The following DTL variants were observed in gnomAD, a reference collection of about 807,000 sequenced individuals.
DTL encodes the protein denticleless protein homolog.
Under a neutral mutation model 87.0 loss-of-function variants are expected in DTL, and 46 were observed. The ratio of observed to expected loss-of-function variants is 0.53; its 90% CI spans 0.42 to 0.68. The LOEUF is 0.68. DTL is among the 30% of genes least tolerant of loss of function. DTL has a pLI of 0.00. For missense variants in DTL, 737 were observed against 869.4 expected (o/e 0.85, Z 1.91); for synonymous variants, 308 against 311.2 (o/e 0.99, Z 0.11).
rs1558093304 is a variant in DTL, at chr1:212,100,533, A to G, written c.1543A>G (p.Ile515Val). Residue 515 changes from isoleucine to valine, a missense_variant, in exon 14 of 15, where the codon ATC becomes GTC. Transcript: ENST00000366991. ...CCGAACACCTTCCTCATCACCACCC[A>G]TCACTCCACCTGCTTCGGAGACCAA... ...VTRTPSSSPP[I>V]TPPASETKIM... is the part of the protein sequence containing the mutation. 12 of 1,614,058 alleles carry G rather than the reference A, an allele frequency of 7.4e-6. No individual in the cohort carries two copies. Among genetic ancestry groups the G allele is most frequent in the Non-Finnish European group, 9.3e-6 (11 of 1,180,004 alleles).
At position 212,100,639 on chromosome 1, in the gene DTL, G is replaced by A. The variant is rs1413465321; in HGVS notation, c.1649G>A (p.Arg550Lys). 14 of 1,613,862 alleles carry A rather than the reference G, an allele frequency of 8.7e-6. No individual in the cohort carries two copies. The East Asian group carries it at 2.7e-4, about 31-fold the overall frequency. The stretch of plus-strand genomic sequence containing the variant: ...GAGGCTTGCTCTGAGTCTAGAAATA[G>A]AGTAAAGAGGAGGCTAGACTCAAGC... ...QAEACSESRN[R>K]VKRRLDSSCL... Residue 550 changes from arginine to lysine, a missense_variant, in exon 14 of 15, where the codon AGA becomes AAA. Physicochemically the swap from Arg to Lys is conservative, Grantham distance 26 (BLOSUM62 2). Transcript: ENST00000366991.
chr1:212,042,903 T>G, intron 1 of DTL, 90 bp from the exon 2 acceptor site: 1 of 1,281,376 alleles, frequency 7.8e-7, no homozygotes, highest in Admixed American at 2.5e-5. Flanking sequence ...ATCTAAAGTT[T>G]CTTAAGGACA....
intron 5 of DTL, among the ~76,000 whole-genome samples, chr1:212,048,443 G>A (rs148883210): frequency 3.9e-5 from 6 of 152,148 alleles, no homozygotes; most frequent in Non-Finnish European, 5.9e-5. Context: ...CACCTGCCTC[G>A]GCCTCCTAAA....
chr1:212,066,396 G>T (rs577297064), intron 7 of DTL, among the ~76,000 whole-genome samples: 1 of 152,090 alleles, frequency 6.6e-6, no homozygotes, highest in South Asian at 2.1e-4. Context: ...TCTTTTTCAG[G>T]GCATGAAATA....
intron 6 of DTL, 94 bp from the exon 7 acceptor site, chr1:212,064,823 G>C (rs1305391718): frequency 9.8e-7 from 1 of 1,021,294 alleles, no homozygotes; most frequent in African/African-American, 1.6e-5. Flanking sequence ...CACCAACTTG[G>C]TCAAAAATTA....
chr1:212,064,719 A>G (rs1400597368), intron 6 of DTL, among the ~76,000 whole-genome samples, 198 bp from the exon 7 acceptor site: 1 of 152,200 alleles, frequency 6.6e-6, no homozygotes, highest in Non-Finnish European at 1.5e-5. Context: ...AGTTTTGGCA[A>G]TTATTAAAGC....
chr1:212,071,529 C>T (rs142944365), intron 10 of DTL, among the ~76,000 whole-genome samples: 1 of 152,312 alleles, frequency 6.6e-6, no homozygotes, highest in South Asian at 2.1e-4. Context: ...TAAAATGATT[C>T]TCACATCCCA....
chr1:212,041,801 C>T (rs536776359), intron 1 of DTL, among the ~76,000 whole-genome samples: 8 of 152,304 alleles, frequency 5.3e-5, no homozygotes, highest in South Asian at 4.1e-4. Context: ...TGAGAGACCG[C>T]GCCCGGCCTA....
At chr1:212,054,047 C>A (rs1456556891) in intron 5 of DTL, among the ~76,000 whole-genome samples, 1 of 152,148 alleles carries the variant, frequency 6.6e-6, no homozygotes, top group Non-Finnish European at 1.5e-5. Context: ...TTTTAACAGG[C>A]AATTCACTTG....
At chr1:212,066,989 T>C in intron 8 of DTL, 104 bp downstream of exon 8, 1 of 958,218 alleles carries the variant, frequency 1.0e-6, no homozygotes, top group Non-Finnish European at 1.6e-6. Flanking sequence ...CTTTCAACTG[T>C]CAACATAGCA....
rs1024061318 is a variant in DTL, at chr1:212,103,130, A to G, written c.*190A>G. ...ATCTGGTTCTACTACCATAATGTAT[A>G]TGCAGCTTCCCGAGGATGAATGCTG... On this transcript the variant is annotated 3_prime_UTR_variant, in exon 15 of 15. Transcript: ENST00000366991. 7.7e-6 allele frequency: 3 copies of G among 387,248 alleles called. No homozygotes were observed. Among genetic ancestry groups the G allele is most frequent in the Non-Finnish European group, 9.2e-6 (2 of 217,144 alleles). 24.0% of individuals were successfully genotyped at this position (387,248 alleles called of 1,614,324 possible). A position where few individuals can be genotyped will look rare whatever the true frequency, so the allele number is the denominator to read the frequency against.
At chr1:212,063,233 G>T (rs1248492639) in intron 6 of DTL, among the ~76,000 whole-genome samples, 1 of 151,436 alleles carries the variant, frequency 6.6e-6, no homozygotes, top group African/African-American at 2.4e-5. Flanking sequence ...ATATTAATAC[G>T]CAGCCTCACT....
intron 13 of DTL, among the ~76,000 whole-genome samples, chr1:212,082,809 G>A (rs1353824643): frequency 6.6e-6 from 1 of 152,078 alleles, no homozygotes; most frequent in Non-Finnish European, 1.5e-5. Context: ...AGAGAATAGA[G>A]GAATAAATGG....
intron 14 of DTL, 74 bp downstream of exon 14, chr1:212,101,158 A>AT: frequency 1.3e-6 from 1 of 797,930 alleles, no homozygotes; most frequent in Non-Finnish European, 1.7e-6. Flanking sequence ...TCAAGTCAGG[A>AT]TGCTTTTTTT....
chr1:212,047,154 G>A lies in DTL; in HGVS notation c.281G>A (p.Trp94Ter). 1 of 1,613,976 alleles carries A rather than the reference G, an allele frequency of 6.2e-7. No individual in the cohort carries two copies. Among genetic ancestry groups the A allele is most frequent in the Non-Finnish European group, 8.5e-7 (1 of 1,179,846 alleles). Residue 94 changes from tryptophan to a stop codon, truncating the protein, a stop_gained, in exon 4 of 15, where the codon TGG becomes TAG. Coordinates refer to ENST00000366991, the MANE Select transcript of DTL (RefSeq NM_016448.4). LOFTEE classifies it high-confidence loss of function. The stretch of plus-strand genomic sequence containing the variant: ...ATTTACCATTTTCTTTGTTTAGAAT[G>A]GATGGCTCACTGGAATGCCGTCTTT... Reference protein sequence around the residue: ...QSFRKKCFKEWMAHWNAVFDL... With the variant: ...QSFRKKCFKE
chr1:212,102,975 A>T lies in DTL; in HGVS notation c.*35A>T, dbSNP rs1655668487. The T allele has an allele frequency of 7.7e-7, 1 of 1,295,058 alleles. No individual in the cohort carries two copies. 80.2% of individuals were successfully genotyped at this position (1,295,058 alleles called of 1,614,324 possible). On this transcript the variant is annotated 3_prime_UTR_variant, in exon 15 of 15. Transcript: ENST00000366991. ...TGAGTGAGTTACTGAGCTTTGGTCC[A>T]CTAAAACAAGCTGAGCTTTGGTCCA...
At chr1:212,044,636 T>G (rs1667756534) in intron 2 of DTL, 24 bp from the exon 3 acceptor site, 1 of 1,476,888 alleles carries the variant, frequency 6.8e-7, no homozygotes, top group African/African-American at 1.4e-5. Context: ...ACTCTATATA[T>G]TTTTTTCTTT....
At position 212,102,867 on chromosome 1, in the gene DTL, G is replaced by A; in HGVS notation, c.2120G>A (p.Arg707Lys). The A allele has an allele frequency of 2.5e-6, 4 of 1,612,368 alleles. No homozygotes were observed. Among genetic ancestry groups the A allele is most frequent in the Non-Finnish European group, 3.4e-6 (4 of 1,178,914 alleles). ...GTCACCATCACGCCCAGCTCCATGA[G>A]GAAAATCTGCACATACTTCCATAGA... ...SPVTITPSSM[R>K]KICTYFHRKS... Residue 707 changes from arginine to lysine, a missense_variant, in exon 15 of 15, where the codon AGG becomes AAG. Transcript: ENST00000366991.
chr1:212,065,153 T>C lies in DTL; in HGVS notation c.639+124T>C, dbSNP rs1183594466. On this transcript the variant is annotated intron_variant, in intron 7 of 14. Coordinates refer to ENST00000366991, the MANE Select transcript of DTL (RefSeq NM_016448.4). ...CATTTGATATCAGTGGTTTATTGCT[T>C]ATTCAGTACCTACATTTGTGGTTCT... is the stretch of plus-strand genomic sequence containing the variant. 4 of 675,564 alleles carry C rather than the reference T, an allele frequency of 5.9e-6. 1 individual carries two copies. In the South Asian group the frequency reaches 9.2e-5, roughly 16 times the overall value. The allele number at this position is 675,564 out of a possible 1,614,324, so 41.8% of individuals were successfully genotyped here.
Sources: allele counts gnomAD v4.1 joint callset (sites outside exome capture counted in the v4.1 genomes callset), GRCh38; gene constraint gnomAD v4.1.1; transcripts MANE v1.5; gene names NCBI Gene and HGNC (gene_info 2026-07-23, HGNC 2026-07-21).